Variants in AOPEP observed in about 807,000 individuals in gnomAD.
AOPEP encodes aminopeptidase O.
Under a neutral mutation model 98.1 loss-of-function variants are expected in AOPEP, and 77 were observed. The observed-to-expected ratio is 0.78, with a 90% CI of 0.65 to 0.95. AOPEP has a LOEUF of 0.95. Among genes scored for constraint, AOPEP ranks in the 40% least tolerant of loss-of-function variants. The pLI, the probability that AOPEP is intolerant of heterozygous loss-of-function variation, is 0.00. For missense variants in AOPEP, 1,024 were observed against 1,024.7 expected (o/e 1.00, Z 0.01); for synonymous variants, 346 against 365.3 (o/e 0.95, Z 0.60).
chr9:95,086,165 G>C (rs985916089), intron 16 of AOPEP: 15 of 1,334,602 alleles, frequency 1.1e-5, no homozygotes, highest in Admixed American at 8.3e-5. Context: ...ACTCGCGGCA[G>C]ACAGGCCCGC....
intron 2 of AOPEP, among the ~76,000 whole-genome samples, chr9:94,760,968 A>G (rs1470712091): frequency 6.6e-6 from 1 of 152,138 alleles, no homozygotes; most frequent in Non-Finnish European, 1.5e-5. Flanking sequence ...CCCTTGAGAG[A>G]CCAGACTGCC....
At chr9:94,785,132 G>A (rs932823961) in intron 3 of AOPEP, among the ~76,000 whole-genome samples, 5 of 143,176 alleles carry the variant, frequency 3.5e-5, no homozygotes, top group South Asian at 4.5e-4. Context: ...TGAGGTTTCC[G>A]CTATGTTGGC....
intron 1 of AOPEP, among the ~76,000 whole-genome samples, chr9:94,727,770 A>T (rs528763898): frequency 1.3e-5 from 2 of 152,322 alleles, no homozygotes; most frequent in South Asian, 4.1e-4. Flanking sequence ...AGATTCTTCC[A>T]ATATTTGGGG....
intron 4 of AOPEP, among the ~76,000 whole-genome samples, chr9:94,798,099 G>GT (rs1380295656): frequency 2.0e-5 from 3 of 152,164 alleles, no homozygotes; most frequent in African/African-American, 7.2e-5. Context: ...CAGATACTGA[G>GT]TTGCCTGCCT....
At chr9:95,107,896 A>G in the AOPEP span, among the ~76,000 whole-genome samples, 1 of 152,216 alleles carries the variant, frequency 6.6e-6, no homozygotes, top group Non-Finnish European at 1.5e-5. Flanking sequence ...TAATAATGGT[A>G]ATTATAAGTC....
chr9:94,839,137 G>A lies in AOPEP; in HGVS notation c.1364+38135G>A, dbSNP rs546348223. Among the ~76,000 whole-genome samples the A allele has an allele frequency of 6.4e-4, 92 of 144,770 alleles. 1 individual carries two copies. In the Middle Eastern group the frequency reaches 0.015, roughly 24 times the overall value. 95.0% of individuals were successfully genotyped at this position (144,770 alleles called of 152,430 possible). A position where few individuals can be genotyped will look rare whatever the true frequency, so the allele number is the denominator to read the frequency against. On this transcript the variant is annotated intron_variant, in intron 5 of 16. Coordinates refer to ENST00000375315, the MANE Select transcript of AOPEP (RefSeq NM_001193329.3). ...GTCTCACTCTGTCACTCAGGCTGGAGTGCAGTGGCGCGATTTCGGCTCACT... is the reference window on the plus strand; with the variant it reads ...GTCTCACTCTGTCACTCAGGCTGGAATGCAGTGGCGCGATTTCGGCTCACT...
chr9:95,129,726 C>T, the AOPEP span, among the ~76,000 whole-genome samples: 1 of 152,196 alleles, frequency 6.6e-6, no homozygotes, highest in Non-Finnish European at 1.5e-5. Context: ...TCGAGGGGAG[C>T]TATGTCAGCA....
At chr9:95,041,874 C>G (rs559968069) in intron 13 of AOPEP, among the ~76,000 whole-genome samples, 6 of 152,250 alleles carry the variant, frequency 3.9e-5, no homozygotes, top group East Asian at 1.9e-4. Context: ...TCCCCTCCCC[C>G]CAAACCCAAC....
At chr9:94,852,800 T>C (rs1490495148) in intron 5 of AOPEP, among the ~76,000 whole-genome samples, 1 of 152,258 alleles carries the variant, frequency 6.6e-6, no homozygotes, top group African/African-American at 2.4e-5. Context: ...AGATTATATA[T>C]ATGCCAAAAA....
intron 14 of AOPEP, among the ~76,000 whole-genome samples, chr9:95,067,158 G>A (rs565108131): frequency 6.6e-6 from 1 of 152,246 alleles, no homozygotes; most frequent in Admixed American, 6.5e-5. Context: ...ACACCAGGAT[G>A]TGAGAGGTGG....
chr9:95,100,552 C>G, the AOPEP span: 1 of 231,526 alleles, frequency 4.3e-6, no homozygotes, highest in Non-Finnish European at 8.5e-6. Flanking sequence ...GAATGTACAA[C>G]CAATACAATT....
chr9:95,033,450 C>T (rs1186776499), intron 13 of AOPEP, among the ~76,000 whole-genome samples: 1 of 152,028 alleles, frequency 6.6e-6, no homozygotes, highest in African/African-American at 2.4e-5. Flanking sequence ...TATGATGAGC[C>T]AGAATTGATA....
At chr9:95,070,030 A>G (rs1434681648) in intron 14 of AOPEP, among the ~76,000 whole-genome samples, 5 of 152,266 alleles carry the variant, frequency 3.3e-5, no homozygotes, top group African/African-American at 7.2e-5. Context: ...AAGGTGAGAG[A>G]GAAAAGAAAA....
chr9:94,938,385 G>A (rs2056589547), intron 7 of AOPEP, among the ~76,000 whole-genome samples: 1 of 152,298 alleles, frequency 6.6e-6, no homozygotes, highest in South Asian at 2.1e-4. Flanking sequence ...CTGGTCCCAA[G>A]ATAGATAGGT....
chr9:94,922,697 C>T (rs1309733737), intron 5 of AOPEP, among the ~76,000 whole-genome samples: 1 of 152,126 alleles, frequency 6.6e-6, no homozygotes, highest in Non-Finnish European at 1.5e-5. Flanking sequence ...CATCGCACCC[C>T]TTTATCCTGA....
the AOPEP span, chr9:95,101,593 A>T: frequency 1.5e-6 from 2 of 1,301,326 alleles, no homozygotes; most frequent in Non-Finnish European, 2.2e-6. Flanking sequence ...GCTCATTCTC[A>T]CAGCCCAGCG....
chr9:94,796,195 G>A (rs1846889991), intron 4 of AOPEP, among the ~76,000 whole-genome samples: 1 of 152,218 alleles, frequency 6.6e-6, no homozygotes, highest in Non-Finnish European at 1.5e-5. Context: ...GTCTTTCCAT[G>A]GAACTGTGAG....
intron 10 of AOPEP, 144 bp downstream of exon 10, chr9:94,967,945 A>G: frequency 1.4e-6 from 1 of 697,008 alleles, no homozygotes; most frequent in Non-Finnish European, 2.5e-6. Flanking sequence ...CAGTGGGAGT[A>G]CAGGATCATC....
rs1025202504 is a variant in AOPEP, at chr9:94,896,218, T to C, written c.1365-27768T>C. 2.0e-5 allele frequency among the ~76,000 whole-genome samples: 3 copies of C among 152,158 alleles called. No homozygotes were observed. The East Asian group carries it at 5.8e-4, about 29-fold the overall frequency. On this transcript the variant is annotated intron_variant, in intron 5 of 16. Coordinates refer to ENST00000375315, the MANE Select transcript of AOPEP (RefSeq NM_001193329.3). ...TTCTTAAAAATCATTCATTTTCTGATTTACAAACAAACAGTTATAATGGAA... is the reference window on the plus strand; with the variant it reads ...TTCTTAAAAATCATTCATTTTCTGACTTACAAACAAACAGTTATAATGGAA...
Sources: allele counts gnomAD v4.1 joint callset (sites outside exome capture counted in the v4.1 genomes callset), GRCh38; gene constraint gnomAD v4.1.1; transcripts MANE v1.5; gene names NCBI Gene and HGNC (gene_info 2026-07-23, HGNC 2026-07-21).